Variants in SLIT3 observed in about 807,000 individuals in gnomAD.
SLIT3 encodes slit guidance ligand 3.
SLIT3 carries 68 observed loss-of-function variants against 184.0 expected under a neutral mutation model. The ratio of observed to expected loss-of-function variants is 0.37; its 90% CI spans 0.30 to 0.45. The LOEUF (loss-of-function observed/expected upper bound fraction) is 0.45, where lower values mean the gene tolerates loss of function less well. Ranked by LOEUF, SLIT3 falls within the 20% of genes least tolerant of loss-of-function variation. The probability of loss-of-function intolerance (pLI) is 1.00; values close to 1 mark genes in which losing one functional copy is unlikely to be tolerated. For missense variants in SLIT3, 1,707 were observed against 2,026.0 expected (o/e 0.84, Z 3.02); for synonymous variants, 831 against 828.6 (o/e 1.00, Z -0.05).
In SLIT3 at chr5:169,185,376, G is replaced by A. The variant is rs548466819; in HGVS notation, c.413+8103C>T. Among the ~76,000 whole-genome samples, 28 of 152,280 alleles carry A rather than the reference G, an allele frequency of 1.8e-4. No homozygotes were observed. The South Asian group carries it at 4.4e-3, about 24-fold the overall frequency. Reference sequence around the variant, plus strand: ...GGTGAGGCTGGTCTTGCCGTCCCCCGGCCTCTGAAATCCATGCCAGCGCAC... The same window carrying A: ...GGTGAGGCTGGTCTTGCCGTCCCCCAGCCTCTGAAATCCATGCCAGCGCAC... On this transcript the variant is annotated intron_variant, in intron 4 of 35. Coordinates refer to ENST00000519560, the MANE Select transcript of SLIT3 (RefSeq NM_003062.4).
At position 168,774,299 on chromosome 5, in the gene SLIT3, A is replaced by G; in HGVS notation, c.1231T>C (p.Tyr411His). The G allele has an allele frequency of 6.2e-7, 1 of 1,614,056 alleles. No individual in the cohort carries two copies. The highest frequency in any genetic ancestry group is 8.5e-7 in the Non-Finnish European group (1 of 1,179,960). ...CTGATGGTCTGCAGCTTGTTGTCAT[A>G]CAGGGAGAGCAAGTTGAGGTTCTGC... ...DLQNLNLLSL[Y>H]DNKLQTISKG... Residue 411 changes from tyrosine (Y) to histidine (H), a missense_variant, in exon 13 of 36, where the codon TAT (tyrosine) becomes CAT (histidine). Transcript: ENST00000519560.
At chr5:168,955,705 C>T (rs1762803303) in intron 4 of SLIT3, among the ~76,000 whole-genome samples, 1 of 152,238 alleles carries the variant, frequency 6.6e-6, no homozygotes, top group Non-Finnish European at 1.5e-5. Flanking sequence ...GCCTTAGGCC[C>T]ACTGCCAAAA....
chr5:168,786,113 C>A, intron 11 of SLIT3, 135 bp from the exon 12 acceptor site: 1 of 635,386 alleles, frequency 1.6e-6, no homozygotes, highest in Non-Finnish European at 2.8e-6. Flanking sequence ...CTGCCTAATC[C>A]CTTCTCATCA....
intron 4 of SLIT3, 142 bp from the exon 5 acceptor site, chr5:168,883,478 A>T: frequency 1.6e-6 from 1 of 634,870 alleles, no homozygotes; most frequent in South Asian, 1.8e-5. Context: ...CTCGGGCCCC[A>T]GGCTGCTACA....
At chr5:168,884,513 A>AT (rs1554153393) in intron 4 of SLIT3, among the ~76,000 whole-genome samples, 8,989 of 115,612 alleles carry the variant, frequency 0.078, 562 homozygotes, top group African/African-American at 0.13. Flanking sequence ...GGTAAAAAAA[A>AT]AACGTTGCAG....
intron 4 of SLIT3, among the ~76,000 whole-genome samples, chr5:169,125,345 C>A (rs1761043653): frequency 6.6e-6 from 1 of 152,220 alleles, no homozygotes; most frequent in South Asian, 2.1e-4. Flanking sequence ...CTGCACCCGG[C>A]CGCAATTAGG....
chr5:169,193,446 A>G (rs1174719889), intron 4 of SLIT3, 33 bp downstream of exon 4: 1 of 1,591,352 alleles, frequency 6.3e-7, no homozygotes, highest in East Asian at 2.2e-5. Flanking sequence ...CAGGCAAGGC[A>G]CAAGGTAGAG....
intron 4 of SLIT3, among the ~76,000 whole-genome samples, chr5:168,899,930 C>G (rs1760808847): frequency 6.6e-6 from 1 of 152,132 alleles, no homozygotes; most frequent in Non-Finnish European, 1.5e-5. Context: ...CCTCCCAGTT[C>G]CTGAGGAATG....
intron 18 of SLIT3, among the ~76,000 whole-genome samples, chr5:168,750,892 TG>T (rs1430840391): frequency 6.6e-6 from 1 of 152,080 alleles, no homozygotes; most frequent in Non-Finnish European, 1.5e-5. Flanking sequence ...AGATAATATA[TG>T]ATTAACAGCA....
At chr5:169,134,043 G>T (rs1761405794) in intron 4 of SLIT3, among the ~76,000 whole-genome samples, 1 of 152,180 alleles carries the variant, frequency 6.6e-6, no homozygotes, top group South Asian at 2.1e-4. Flanking sequence ...AATAATGCAG[G>T]TTTTCTAAAT....
chr5:169,212,457 G>T (rs1184311768), intron 3 of SLIT3, among the ~76,000 whole-genome samples: 1 of 137,846 alleles, frequency 7.3e-6, no homozygotes, highest in Non-Finnish European at 1.5e-5. Flanking sequence ...CCCACTTTTT[G>T]TTGGGGTTGT....
chr5:169,012,301 C>G (rs1756186002), intron 4 of SLIT3: 1 of 152,264 alleles, frequency 6.6e-6, no homozygotes, highest in African/African-American at 2.4e-5. Context: ...AGGATGCCAC[C>G]TCGAAGGAGA....
intron 32 of SLIT3, among the ~76,000 whole-genome samples, chr5:168,677,849 G>T (rs1290899375): frequency 2.6e-5 from 4 of 152,202 alleles, no homozygotes; most frequent in African/African-American, 9.7e-5. Flanking sequence ...GGGCTTGCTG[G>T]AGCTGGGTGT....
intron 4 of SLIT3, among the ~76,000 whole-genome samples, chr5:169,135,311 C>T (rs1761463327): frequency 6.6e-6 from 1 of 152,136 alleles, no homozygotes; most frequent in Non-Finnish European, 1.5e-5. Flanking sequence ...GGGGTTTCAG[C>T]ATGTTGGCCA....
intron 15 of SLIT3, among the ~76,000 whole-genome samples, chr5:168,762,285 T>C (rs942197762): frequency 2.0e-5 from 3 of 152,176 alleles, no homozygotes; most frequent in African/African-American, 7.2e-5. Context: ...CTGGTGGGCC[T>C]AGCATGATGC....
intron 3 of SLIT3, among the ~76,000 whole-genome samples, chr5:169,240,656 G>T (rs7703081): frequency 0.54 from 73,079 of 134,250 alleles, 18,507 homozygotes; most frequent in Middle Eastern, 0.57. Context: ...AAAAGTATAT[G>T]TTTGGTATTT....
intron 18 of SLIT3, 92 bp downstream of exon 18, chr5:168,752,863 G>A (rs2113471473): frequency 7.8e-7 from 1 of 1,285,004 alleles, no homozygotes; most frequent in Non-Finnish European, 1.1e-6. Context: ...ACAGATAGAT[G>A]AGCCTGGCTA....
chr5:169,211,173 C>T (rs921018589), intron 3 of SLIT3, among the ~76,000 whole-genome samples: 4 of 152,146 alleles, frequency 2.6e-5, no homozygotes, highest in African/African-American at 9.7e-5. Flanking sequence ...CCAGCCAACC[C>T]ATGACCCATA....
chr5:168,704,142 A>G (rs114706244), intron 26 of SLIT3, among the ~76,000 whole-genome samples: 1,885 of 152,122 alleles, frequency 0.012, 10 homozygotes, highest in South Asian at 0.021. Context: ...GGATCTAATG[A>G]ACTAGAACTT....
Sources: allele counts gnomAD v4.1 joint callset (sites outside exome capture counted in the v4.1 genomes callset), GRCh38; gene constraint gnomAD v4.1.1; transcripts MANE v1.5; gene names NCBI Gene and HGNC (gene_info 2026-07-23, HGNC 2026-07-21).